AKAIN1: variants seen among roughly 807,000 people sequenced by gnomAD.
AKAIN1 encodes A-kinase anchor inhibitor 1.
AKAIN1 carries 3 observed loss-of-function variants against 3.7 expected under a neutral mutation model. The observed-to-expected ratio is 0.82, with a 90% confidence interval of 0.37 to 2.12. AKAIN1 has a LOEUF of 2.12. Ranked by LOEUF, AKAIN1 falls within the 30% of genes most tolerant of loss-of-function variation. The pLI, the probability that AKAIN1 is intolerant of heterozygous loss-of-function variation, is 0.06. For missense variants in AKAIN1, 82 were observed against 82.7 expected (o/e 0.99, Z 0.03); for synonymous variants, 31 against 30.8 (o/e 1.01, Z -0.02).
chr18:5,148,859 A>C (rs1408832489), intron 1 of AKAIN1, among the ~76,000 whole-genome samples: 1 of 152,188 alleles, frequency 6.6e-6, no homozygotes, highest in African/African-American at 2.4e-5. Flanking sequence ...TCTGTCACAA[A>C]AAAAAGAAAA....
chr18:5,150,113 C>A (rs1006605438), intron 1 of AKAIN1, among the ~76,000 whole-genome samples: 1 of 152,210 alleles, frequency 6.6e-6, no homozygotes. Context: ...AGCTCCATTG[C>A]CTTGGCAAAG....
intron 1 of AKAIN1, among the ~76,000 whole-genome samples, chr18:5,148,622 G>T (rs1427452977): frequency 6.6e-6 from 1 of 152,144 alleles, no homozygotes; most frequent in Non-Finnish European, 1.5e-5. Context: ...CTGGGAGGCC[G>T]ACATGGGCGA....
chr18:5,188,460 G>T lies in AKAIN1; in HGVS notation c.16+8578C>A, dbSNP rs57546221. ...GCTGACACTTCCCCTAAACCTCTCC[G>T]TGCTGCCCACCCCTCCCCATTATGC... is the stretch of plus-strand genomic sequence containing the variant. On this transcript the variant is annotated intron_variant, in intron 1 of 1. Coordinates refer to ENST00000434239, the MANE Select transcript of AKAIN1 (RefSeq NM_001145194.2). Among the ~76,000 whole-genome samples, 3 of 151,952 alleles carry T rather than the reference G, an allele frequency of 2.0e-5. No homozygotes were observed. In the East Asian group the frequency reaches 5.8e-4, roughly 30 times the overall value.
At chr18:5,146,611 G>T (rs1259172444) in intron 1 of AKAIN1, among the ~76,000 whole-genome samples, 7 of 152,188 alleles carry the variant, frequency 4.6e-5, no homozygotes, top group Non-Finnish European at 1.0e-4. Context: ...TGCCCACTGT[G>T]ATCTAAAGCA....
At position 5,144,249 on chromosome 18, in the gene AKAIN1, A is replaced by G. The variant is rs1379791483; in HGVS notation, c.*1313T>C. On this transcript the variant is annotated 3_prime_UTR_variant, in exon 2 of 2. Coordinates refer to ENST00000434239, the MANE Select transcript of AKAIN1 (RefSeq NM_001145194.2). ...ATTGGAATTTTAGAAGTATATCTTA[A>G]TATCAGTCACAATTTATACCCGAAT... Among the ~76,000 whole-genome samples the G allele has an allele frequency of 6.6e-6, 1 of 152,220 alleles. No individual in the cohort carries two copies. The highest frequency in any genetic ancestry group is 2.4e-5 in the African/African-American group (1 of 41,454).
chr18:5,169,538 C>T (rs2071185615), intron 1 of AKAIN1, among the ~76,000 whole-genome samples: 1 of 152,018 alleles, frequency 6.6e-6, no homozygotes, highest in Non-Finnish European at 1.5e-5. Flanking sequence ...AAAATCCAAG[C>T]ACAATTGGCA....
At chr18:5,163,719 T>C (rs999782679) in intron 1 of AKAIN1, 2 of 152,044 alleles carry the variant, frequency 1.3e-5, no homozygotes, top group Non-Finnish European at 2.9e-5. Context: ...TTGGAGTTAA[T>C]AGGACTGAAT....
At chr18:5,196,159 C>T (rs1303833750) in intron 1 of AKAIN1, among the ~76,000 whole-genome samples, 1 of 152,224 alleles carries the variant, frequency 6.6e-6, no homozygotes, top group Non-Finnish European at 1.5e-5. Flanking sequence ...GCCTTCCCCA[C>T]TCCCTGTTTT....
Position 5,182,982 on chromosome 18 carries a change from AT to A in AKAIN1, c.16+14055del, listed in dbSNP as rs200646998. Among the ~76,000 whole-genome samples, 427 of 151,368 alleles carry A rather than the reference AT, an allele frequency of 2.8e-3. 1 individual carries two copies. Among genetic ancestry groups the A allele is most frequent in the African/African-American group, 8.2e-3 (339 of 41,342 alleles). On this transcript the variant is annotated intron_variant, in intron 1 of 1. Coordinates refer to ENST00000434239, the MANE Select transcript of AKAIN1 (RefSeq NM_001145194.2). ...GACACCAGTTTTACCTAGTGCACAT[AT>A]TTTTTTTTGTCCCTAACTCTATTTT... is the stretch of plus-strand genomic sequence containing the variant.
intron 1 of AKAIN1, among the ~76,000 whole-genome samples, chr18:5,166,897 T>A (rs2071170733): frequency 6.6e-6 from 1 of 152,112 alleles, no homozygotes; most frequent in Non-Finnish European, 1.5e-5. Context: ...ACATCTTCTA[T>A]AACATTTTTC....
intron 1 of AKAIN1, among the ~76,000 whole-genome samples, chr18:5,161,843 T>C (rs2071141090): frequency 6.6e-6 from 1 of 152,176 alleles, no homozygotes; most frequent in Non-Finnish European, 1.5e-5. Flanking sequence ...AATTTTCTAA[T>C]GCTAACCAAT....
At chr18:5,175,281 A>G (rs2071219899) in intron 1 of AKAIN1, among the ~76,000 whole-genome samples, 1 of 152,134 alleles carries the variant, frequency 6.6e-6, no homozygotes, top group Admixed American at 6.5e-5. Flanking sequence ...GTTCAGTGAG[A>G]CTTAAAGCCT....
At chr18:5,170,244 T>A (rs1212720653) in intron 1 of AKAIN1, among the ~76,000 whole-genome samples, 6 of 152,160 alleles carry the variant, frequency 3.9e-5, no homozygotes, top group Non-Finnish European at 8.8e-5. Flanking sequence ...TAGACTCACA[T>A]TTAACTTTGA....
chr18:5,145,604 T>G lies in AKAIN1; in HGVS notation c.168A>C (p.Gln56His), dbSNP rs1441545981. Residue 56 changes from glutamine (Q) to histidine (H), a missense_variant, in exon 2 of 2, where the codon CAA becomes CAC. Coordinates refer to ENST00000434239, the MANE Select transcript of AKAIN1 (RefSeq NM_001145194.2). ...ERISDNRDHI[Q>H]LGVGELTKKH... ...TCTTGGTTAACTCCCCAACGCCCAG[T>G]TGGATGTGGTCCCGGTTGTCACTGA... The G allele has an allele frequency of 7.1e-6, 11 of 1,551,492 alleles. No homozygotes were observed. In the Middle Eastern group the frequency reaches 6.7e-4, roughly 94 times the overall value.
chr18:5,187,993 C>A lies in AKAIN1; in HGVS notation c.16+9045G>T, dbSNP rs138615354. 1.8e-3 allele frequency among the ~76,000 whole-genome samples: 270 copies of A among 152,196 alleles called. 1 individual carries two copies. The highest frequency in any genetic ancestry group is 5.6e-3 in the African/African-American group (234 of 41,522). On this transcript the variant is annotated intron_variant, in intron 1 of 1. Transcript: ENST00000434239. ...GTAGGACATGCATAGGATAGGCATTCCCATTCCAAAAGGGAGAAATAGGCC... is the reference window on the plus strand; with the variant it reads ...GTAGGACATGCATAGGATAGGCATTACCATTCCAAAAGGGAGAAATAGGCC...
chr18:5,145,830 G>A (rs2071046149), intron 1 of AKAIN1, 75 bp from the exon 2 acceptor site: 1 of 1,286,274 alleles, frequency 7.8e-7, no homozygotes, highest in African/African-American at 1.5e-5. Context: ...AGGTAGAGGA[G>A]AAAGATGGGA....
At chr18:5,183,981 A>G (rs1264675010) in intron 1 of AKAIN1, among the ~76,000 whole-genome samples, 1 of 152,126 alleles carries the variant, frequency 6.6e-6, no homozygotes, top group Non-Finnish European at 1.5e-5. Flanking sequence ...GAAACACTTC[A>G]GCACTACATT....
chr18:5,184,401 T>C (rs1161146813), intron 1 of AKAIN1, among the ~76,000 whole-genome samples: 1 of 152,034 alleles, frequency 6.6e-6, no homozygotes, highest in Non-Finnish European at 1.5e-5. Context: ...TAAGTCAAAC[T>C]CTGTCTGTTT....
At chr18:5,165,703 T>A (rs574137529) in intron 1 of AKAIN1, among the ~76,000 whole-genome samples, 3 of 152,142 alleles carry the variant, frequency 2.0e-5, no homozygotes, top group African/African-American at 7.2e-5. Context: ...AGGCATGATA[T>A]CAGGATAGCA....
Sources: gnomAD v4.1 joint callset for allele counts (sites outside exome capture counted in the v4.1 genomes callset) on GRCh38, gnomAD v4.1.1 for gene constraint, MANE v1.5 for transcripts, NCBI Gene and HGNC (gene_info 2026-07-23, HGNC 2026-07-21) for gene names.